The following CNTNAP2 variants were observed in gnomAD, a reference collection of about 807,000 sequenced individuals.
The protein encoded by CNTNAP2 is contactin-associated protein-like 2.
A neutral mutation model predicts 155.2 loss-of-function variants in CNTNAP2; 98 were observed. The observed-to-expected ratio is 0.63, with a 90% CI of 0.54 to 0.75. The LOEUF (loss-of-function observed/expected upper bound fraction) is 0.75. Among genes scored for constraint, CNTNAP2 ranks in the 30% least tolerant of loss-of-function variants. The pLI, the probability that CNTNAP2 is intolerant of heterozygous loss-of-function variation, is 0.00. For missense variants in CNTNAP2, 1,727 were observed against 1,688.1 expected (o/e 1.02, Z -0.40); for synonymous variants, 651 against 631.2 (o/e 1.03, Z -0.47).
intron 1 of CNTNAP2, among the ~76,000 whole-genome samples, chr7:146,550,343 A>C (rs1265428448): frequency 1.4e-5 from 2 of 144,164 alleles, no homozygotes; most frequent in Admixed American, 6.9e-5. Flanking sequence ...TATAGATCCT[A>C]TGGGCAGCAA....
chr7:147,605,775 A>T (rs1462455460), intron 12 of CNTNAP2, among the ~76,000 whole-genome samples: 1 of 152,072 alleles, frequency 6.6e-6, no homozygotes, highest in African/African-American at 2.4e-5. Context: ...AGCAGAGAGA[A>T]CTTGGTTCTC....
At chr7:148,027,783 G>A (rs1017065307) in intron 15 of CNTNAP2, among the ~76,000 whole-genome samples, 12 of 152,256 alleles carry the variant, frequency 7.9e-5, no homozygotes, top group East Asian at 3.9e-4. Context: ...ATAGCCTTTC[G>A]TGAAAGAGTT....
chr7:146,808,654 AT>A (rs1396224971), intron 2 of CNTNAP2, among the ~76,000 whole-genome samples: 1 of 152,230 alleles, frequency 6.6e-6, no homozygotes, highest in Non-Finnish European at 1.5e-5. Context: ...TGTACATTAG[AT>A]TCAGACTTGT....
rs984441113 is a variant in CNTNAP2, at chr7:148,239,637, T to C, written c.3381+9858T>C. ...AAAGTATTTGAGCACGTTTTCATTA[T>C]TTGGTTCAGAAAGTAGCAGTATTTG... On this transcript the variant is annotated intron_variant, in intron 20 of 23. Coordinates refer to ENST00000361727, the MANE Select transcript of CNTNAP2 (RefSeq NM_014141.6). Among the ~76,000 whole-genome samples the C allele has an allele frequency of 2.6e-5, 4 of 152,212 alleles. No homozygotes were observed. The South Asian group carries it at 6.2e-4, about 24-fold the overall frequency.
At chr7:147,779,902 C>A (rs1797639058) in intron 13 of CNTNAP2, among the ~76,000 whole-genome samples, 1 of 152,210 alleles carries the variant, frequency 6.6e-6, no homozygotes, top group Non-Finnish European at 1.5e-5. Context: ...TCCTTGAAAG[C>A]ATAATCTATT....
intron 8 of CNTNAP2, among the ~76,000 whole-genome samples, chr7:147,209,869 T>G (rs1407801713): frequency 6.6e-6 from 1 of 152,092 alleles, no homozygotes; most frequent in Non-Finnish European, 1.5e-5. Context: ...TAATTCTGTT[T>G]ATGTGGTGAA....
chr7:146,144,668 C>T (rs959344646), intron 1 of CNTNAP2, among the ~76,000 whole-genome samples: 1 of 151,996 alleles, frequency 6.6e-6, no homozygotes, highest in African/African-American at 2.4e-5. Context: ...TCTAGAACTT[C>T]GACTCATACT....
chr7:147,397,048 G>A (rs551780783), intron 10 of CNTNAP2, among the ~76,000 whole-genome samples: 1 of 151,960 alleles, frequency 6.6e-6, no homozygotes, highest in Admixed American at 6.6e-5. Flanking sequence ...ATAAGATGGC[G>A]TTCGTGTGAA....
intron 22 of CNTNAP2, among the ~76,000 whole-genome samples, chr7:148,405,050 A>G (rs749209964): frequency 1.3e-5 from 2 of 152,112 alleles, no homozygotes; most frequent in Non-Finnish European, 2.9e-5. Flanking sequence ...TGGGTGGGAA[A>G]ACAGGGCTGT....
intron 1 of CNTNAP2, among the ~76,000 whole-genome samples, chr7:146,502,763 G>A (rs768075390): frequency 1.3e-5 from 2 of 152,010 alleles, no homozygotes; most frequent in African/African-American, 2.4e-5. Context: ...CTGCAAGCGT[G>A]CACCAACATG....
chr7:148,185,408 T>G (rs974019547), intron 18 of CNTNAP2, among the ~76,000 whole-genome samples: 24 of 152,232 alleles, frequency 1.6e-4, no homozygotes, highest in Admixed American at 1.4e-3. Flanking sequence ...TAGCAAATCA[T>G]GTTGGTTCCT....
chr7:146,190,683 A>C (rs1303660332), intron 1 of CNTNAP2, among the ~76,000 whole-genome samples: 3 of 152,214 alleles, frequency 2.0e-5, no homozygotes. Flanking sequence ...TGGAAAGTAA[A>C]GCAGAATTGT....
chr7:146,845,338 T>C (rs1803820416), intron 3 of CNTNAP2, among the ~76,000 whole-genome samples: 1 of 152,212 alleles, frequency 6.6e-6, no homozygotes, highest in Admixed American at 6.5e-5. Context: ...AGTCGAAAGG[T>C]CTGAATTCAT....
chr7:147,505,731 G>A (rs527966021), intron 11 of CNTNAP2, among the ~76,000 whole-genome samples: 1 of 152,310 alleles, frequency 6.6e-6, no homozygotes, highest in South Asian at 2.1e-4. Flanking sequence ...ACAGGATGAA[G>A]TATTTCACAA....
chr7:148,331,477 G>C (rs1264626444), intron 21 of CNTNAP2, among the ~76,000 whole-genome samples: 1 of 143,952 alleles, frequency 6.9e-6, no homozygotes, highest in Non-Finnish European at 1.5e-5. Context: ...AGATGGAGTG[G>C]ACGGATGGAA....
intron 15 of CNTNAP2, among the ~76,000 whole-genome samples, chr7:147,978,529 T>C (rs1801469882): frequency 6.6e-6 from 1 of 152,168 alleles, no homozygotes; most frequent in South Asian, 2.1e-4. Flanking sequence ...CTTTCAAGAT[T>C]AGTCACCCCA....
chr7:148,188,186 T>A (rs1354098122), intron 18 of CNTNAP2, among the ~76,000 whole-genome samples: 1 of 152,246 alleles, frequency 6.6e-6, no homozygotes, highest in South Asian at 2.1e-4. Flanking sequence ...TTGAAATTCC[T>A]GACTTGTTCC....
intron 15 of CNTNAP2, among the ~76,000 whole-genome samples, chr7:147,982,810 G>C (rs1360673915): frequency 6.6e-6 from 1 of 152,040 alleles, no homozygotes; most frequent in Non-Finnish European, 1.5e-5. Flanking sequence ...TTGAGGTCAG[G>C]AGTTCGAGGA....
chr7:146,829,357 T>C (rs1437202618), intron 2 of CNTNAP2, among the ~76,000 whole-genome samples: 2 of 152,072 alleles, frequency 1.3e-5, no homozygotes, highest in African/African-American at 4.8e-5. Flanking sequence ...CTAATAACTT[T>C]TGTTAGTGTA....
Sources: allele counts gnomAD v4.1 joint callset (sites outside exome capture counted in the v4.1 genomes callset), GRCh38; gene constraint gnomAD v4.1.1; transcripts MANE v1.5; gene names NCBI Gene and HGNC (gene_info 2026-07-23, HGNC 2026-07-21).